TGFA: variants seen among roughly 807,000 people sequenced by gnomAD.
TGFA encodes transforming growth factor alpha, also known as protransforming growth factor alpha.
Under a neutral mutation model 21.7 loss-of-function variants are expected in TGFA, and 12 were observed. The ratio of observed to expected loss-of-function variants is 0.55; its 90% CI spans 0.35 to 0.90. The LOEUF is 0.90. Ranked by LOEUF, TGFA falls within the 40% of genes least tolerant of loss-of-function variation. TGFA has a pLI of 0.01. For missense variants in TGFA, 178 were observed against 210.8 expected (o/e 0.84, Z 0.96); for synonymous variants, 79 against 88.1 (o/e 0.90, Z 0.58).
chr2:70,469,065 C>A (rs1553492793), intron 2 of TGFA, among the ~76,000 whole-genome samples: 1 of 152,064 alleles, frequency 6.6e-6, no homozygotes, highest in East Asian at 1.9e-4. Context: ...GCCGTTTAAA[C>A]CACCACCTCC....
chr2:70,513,460 A>T (rs1672167063), intron 2 of TGFA, among the ~76,000 whole-genome samples: 1 of 152,228 alleles, frequency 6.6e-6, no homozygotes, highest in Non-Finnish European at 1.5e-5. Context: ...CCTGGACTCC[A>T]GATGCACTGT....
At chr2:70,484,766 T>TTAC (rs781823660) in intron 2 of TGFA, among the ~76,000 whole-genome samples, 50 of 152,276 alleles carry the variant, frequency 3.3e-4, no homozygotes, top group Admixed American at 9.2e-4. Context: ...GTCATCTGGG[T>TTAC]TACTGTTCTG....
chr2:70,543,664 T>C (rs543252313), intron 1 of TGFA, among the ~76,000 whole-genome samples: 1 of 152,020 alleles, frequency 6.6e-6, no homozygotes, highest in African/African-American at 2.4e-5. Flanking sequence ...GTGAGGAAAA[T>C]ATGTAATTAC....
Position 70,448,271 on chromosome 2 carries a change from A to G in TGFA, c.*2588T>C, listed in dbSNP as rs1669946528. On this transcript the variant is annotated 3_prime_UTR_variant, in exon 6 of 6. Transcript: ENST00000295400. ...AAGTCACAGCCTGTAGAGCAGTGGG[A>G]AAAATCCAGGCTCCATAAGAGTATT... 6.6e-6 allele frequency: 1 copy of G among 152,200 alleles called. No homozygotes were observed. Among genetic ancestry groups the G allele is most frequent in the Non-Finnish European group, 1.5e-5 (1 of 68,038 alleles). The allele number at this position is 152,200 out of a possible 1,614,324, so 9.4% of individuals were successfully genotyped here. A position where few individuals can be genotyped will look rare whatever the true frequency, so the allele number is the denominator to read the frequency against.
At chr2:70,458,381 C>T (rs1489319403) in intron 3 of TGFA, among the ~76,000 whole-genome samples, 9 of 152,140 alleles carry the variant, frequency 5.9e-5, no homozygotes, top group Admixed American at 2.0e-4. Context: ...GTCCCTGAAT[C>T]GTGCACTTCC....
At chr2:70,487,736 G>A (rs1231079661) in intron 2 of TGFA, among the ~76,000 whole-genome samples, 1 of 152,058 alleles carries the variant, frequency 6.6e-6, no homozygotes, top group Non-Finnish European at 1.5e-5. Flanking sequence ...CCTCTTATTG[G>A]GCATTGTGAT....
chr2:70,546,699 A>G (rs1481319220), intron 1 of TGFA, among the ~76,000 whole-genome samples: 1 of 151,652 alleles, frequency 6.6e-6, no homozygotes, highest in East Asian at 1.9e-4. Context: ...TGGGAGCTGC[A>G]GACAAAGCTG....
chr2:70,466,342 C>T (rs1325022641), intron 2 of TGFA, among the ~76,000 whole-genome samples: 1 of 152,100 alleles, frequency 6.6e-6, no homozygotes, highest in Non-Finnish European at 1.5e-5. Context: ...CCCGTCTCTA[C>T]TAAAAATACA....
chr2:70,510,258 C>T (rs1413911588), intron 2 of TGFA, among the ~76,000 whole-genome samples: 1 of 152,168 alleles, frequency 6.6e-6, no homozygotes, highest in Non-Finnish European at 1.5e-5. Flanking sequence ...AATCTTTGAA[C>T]CTGAATGTAA....
At chr2:70,468,786 GAAAC>G (rs1670649073) in intron 2 of TGFA, among the ~76,000 whole-genome samples, 1 of 152,152 alleles carries the variant, frequency 6.6e-6, no homozygotes, top group Non-Finnish European at 1.5e-5. Context: ...TAGTTGCAGA[GAAAC>G]AAGCCCAGGG....
At chr2:70,482,786 C>T (rs1346064893) in intron 2 of TGFA, among the ~76,000 whole-genome samples, 3 of 151,862 alleles carry the variant, frequency 2.0e-5, no homozygotes, top group African/African-American at 7.3e-5. Context: ...ACTGTGTTGT[C>T]TCTAAATCTG....
chr2:70,550,594 G>A (rs1445405476), intron 1 of TGFA, among the ~76,000 whole-genome samples: 2 of 152,144 alleles, frequency 1.3e-5, no homozygotes, highest in Non-Finnish European at 2.9e-5. Flanking sequence ...GCTGAGGTGG[G>A]TGGATCACGC....
At chr2:70,517,111 CCTT>C (rs782707128) in intron 1 of TGFA, among the ~76,000 whole-genome samples, 1 of 152,232 alleles carries the variant, frequency 6.6e-6, no homozygotes, top group African/African-American at 2.4e-5. Flanking sequence ...AATTACTTCA[CCTT>C]CTGTTCCTCA....
intron 2 of TGFA, among the ~76,000 whole-genome samples, chr2:70,476,923 A>G (rs782315841): frequency 1.3e-5 from 2 of 152,248 alleles, no homozygotes; most frequent in African/African-American, 2.4e-5. Context: ...AAGCCCTTCA[A>G]TCAAGATTAT....
chr2:70,467,884 A>G (rs1365842728), intron 2 of TGFA, among the ~76,000 whole-genome samples: 1 of 152,192 alleles, frequency 6.6e-6, no homozygotes, highest in Non-Finnish European at 1.5e-5. Flanking sequence ...AAGGAGACAC[A>G]TTGTGTAGTG....
chr2:70,516,286 C>T (rs1208342513), intron 1 of TGFA, among the ~76,000 whole-genome samples: 1 of 152,222 alleles, frequency 6.6e-6, no homozygotes, highest in East Asian at 1.9e-4. Context: ...AGGATCGATG[C>T]AGCCCCCTAC....
At chr2:70,553,527 G>A in intron 1 of TGFA, 1 of 1,373,760 alleles carries the variant, frequency 7.3e-7, no homozygotes, top group Non-Finnish European at 9.4e-7. Context: ...TCCCGGGGAA[G>A]CCTCGGCGCT....
intron 2 of TGFA, among the ~76,000 whole-genome samples, chr2:70,511,899 A>ACACACT (rs1672112748): frequency 1.4e-5 from 2 of 142,006 alleles, no homozygotes; most frequent in Admixed American, 6.8e-5. Context: ...ATACACACAC[A>ACACACT]CACACACACA....
At chr2:70,462,406 A>T (rs1415509111) in intron 3 of TGFA, among the ~76,000 whole-genome samples, 6 of 152,226 alleles carry the variant, frequency 3.9e-5, no homozygotes, top group African/African-American at 1.4e-4. Context: ...GGTCCCACGG[A>T]TGGCAAAGTG....
Sources: allele counts gnomAD v4.1 joint callset (sites outside exome capture counted in the v4.1 genomes callset), GRCh38; gene constraint gnomAD v4.1.1; transcripts MANE v1.5; gene names NCBI Gene and HGNC (gene_info 2026-07-23, HGNC 2026-07-21).